PTK7: variants seen among roughly 807,000 people sequenced by gnomAD.
PTK7 encodes protein tyrosine kinase 7 (inactive).
A neutral mutation model predicts 116.6 loss-of-function variants in PTK7; 39 were observed. The observed-to-expected ratio is 0.33, with a 90% CI of 0.26 to 0.44. The LOEUF is 0.44. PTK7 is among the 20% of genes least tolerant of loss of function. The pLI is 1.00. For synonymous variants in PTK7, 546 were observed against 563.6 expected (o/e 0.97, Z 0.44); for missense variants, 1,169 against 1,425.6 (o/e 0.82, Z 2.90).
At chr6:43,098,914 A>T (rs988121534) in intron 1 of PTK7, among the ~76,000 whole-genome samples, 1 of 152,212 alleles carries the variant, frequency 6.6e-6, no homozygotes, top group African/African-American at 2.4e-5. Flanking sequence ...TACATAATAC[A>T]AACCTAAAAT....
Position 43,157,356 on chromosome 6 carries a change from ATATATATATTTTTTTTTTTCT to A in PTK7, c.2722-1459_2722-1439del, listed in dbSNP as rs1366660379. Among the ~76,000 whole-genome samples, 25 of 3,198 alleles carry A rather than the reference ATATATATATTTTTTTTTTTCT, an allele frequency of 7.8e-3. 1 individual carries two copies. Among genetic ancestry groups the A allele is most frequent in the African/African-American group, 0.019 (24 of 1,234 alleles). 2.1% of individuals were successfully genotyped at this position (3,198 alleles called of 152,430 possible). ...TATATATATATATATATATATATAT[ATATATATATTTTTTTTTTTCT>A]TTTTTTTTTTTTTTTTTTAATAGAG... On this transcript the variant is annotated intron_variant, in intron 17 of 19. Coordinates refer to ENST00000230419, the MANE Select transcript of PTK7 (RefSeq NM_002821.5).
chr6:43,121,081 A>G (rs1279057597), intron 1 of PTK7, among the ~76,000 whole-genome samples: 3 of 111,170 alleles, frequency 2.7e-5, no homozygotes, highest in Admixed American at 1.1e-4. Context: ...TTTTTTGACT[A>G]TGTTGCTCAG....
intron 1 of PTK7, among the ~76,000 whole-genome samples, chr6:43,085,394 G>A (rs1410876661): frequency 6.6e-6 from 1 of 152,018 alleles, no homozygotes; most frequent in Non-Finnish European, 1.5e-5. Context: ...GATTATAGGT[G>A]CCCGCCACCA....
At chr6:43,085,662 G>A (rs1274039723) in intron 1 of PTK7, among the ~76,000 whole-genome samples, 1 of 151,776 alleles carries the variant, frequency 6.6e-6, no homozygotes, top group South Asian at 2.1e-4. Flanking sequence ...GGCTGGGTGC[G>A]GTGGCTCACG....
chr6:43,157,362 ATATTTTTTTTTTTCTTTT>A (rs1771543762), intron 17 of PTK7, among the ~76,000 whole-genome samples: 3 of 34,238 alleles, frequency 8.8e-5, no homozygotes, highest in African/African-American at 4.1e-4. Flanking sequence ...ATATATATAT[ATATTTTTTTTTTTCTTTT>A]TTTTTTTTTT....
Position 43,076,584 on chromosome 6 carries a change from T to TG in PTK7, c.79+22dup. On this transcript the variant is annotated intron_variant, in intron 1 of 19. Coordinates refer to ENST00000230419, the MANE Select transcript of PTK7 (RefSeq NM_002821.5). The surrounding 1 kb of genome is among the most constrained non-coding windows in gnomAD (Gnocchi z 5.7). ...TGCTGGGCGGTGAGTACCCGAGAGT[T>TG]GGGGGCACAGAGCTTGGGAAGCGCG... 1 of 1,571,708 alleles carries TG rather than the reference T, an allele frequency of 6.4e-7. No individual in the cohort carries two copies. Among genetic ancestry groups the TG allele is most frequent in the Non-Finnish European group, 8.6e-7 (1 of 1,164,302 alleles).
At chr6:43,149,797 C>T (rs142965380) in intron 17 of PTK7, among the ~76,000 whole-genome samples, 1 of 152,276 alleles carries the variant, frequency 6.6e-6, no homozygotes, top group African/African-American at 2.4e-5. Context: ...GTTTTCTATC[C>T]TGTCCTCTTT....
intron 1 of PTK7, among the ~76,000 whole-genome samples, chr6:43,122,855 C>T (rs967105889): frequency 3.9e-5 from 6 of 152,050 alleles, no homozygotes; most frequent in Non-Finnish European, 5.9e-5. Context: ...GGTCTACCTG[C>T]CTTGGACTCC....
chr6:43,118,663 A>G (rs59477217), intron 1 of PTK7, among the ~76,000 whole-genome samples: 2 of 48,776 alleles, frequency 4.1e-5, no homozygotes, highest in East Asian at 1.2e-3. Flanking sequence ...CTCTCTCTAT[A>G]TATATATATA....
rs1324295111 is a variant in PTK7 at position 43,139,541 on chromosome 6, G to T, written c.1618+16G>T. On this transcript the variant is annotated intron_variant, in intron 10 of 19. Coordinates refer to ENST00000230419, the MANE Select transcript of PTK7 (RefSeq NM_002821.5). The surrounding 1 kb of genome is among the most constrained non-coding windows in gnomAD (Gnocchi z 4.6). ...GAACGGGCAGGTGGGTACAGTGCCGGCATAGGGTAGGGGCAGGCAGGCAGT... is the reference window on the plus strand; with the variant it reads ...GAACGGGCAGGTGGGTACAGTGCCGTCATAGGGTAGGGGCAGGCAGGCAGT... 2 of 1,613,602 alleles carry T rather than the reference G, an allele frequency of 1.2e-6. No individual in the cohort carries two copies. Among genetic ancestry groups the T allele is most frequent in the Non-Finnish European group, 1.7e-6 (2 of 1,179,948 alleles).
At chr6:43,099,546 T>C (rs1021433925) in intron 1 of PTK7, among the ~76,000 whole-genome samples, 1 of 152,052 alleles carries the variant, frequency 6.6e-6, no homozygotes. Flanking sequence ...GAGTACATTC[T>C]AGGTACCCAG....
chr6:43,144,156 T>G, intron 14 of PTK7: 1 of 380,450 alleles, frequency 2.6e-6, no homozygotes, highest in Non-Finnish European at 4.8e-6. Context: ...GCAAAAATCC[T>G]TATGTGTAGC....
At chr6:43,079,077 C>G (rs1766219064) in intron 1 of PTK7, among the ~76,000 whole-genome samples, 1 of 152,110 alleles carries the variant, frequency 6.6e-6, no homozygotes, top group African/African-American at 2.4e-5. Context: ...TTCAGAGCAG[C>G]ATTGAGTGGT....
chr6:43,149,132 G>A (rs1770918778), intron 17 of PTK7, among the ~76,000 whole-genome samples: 1 of 151,226 alleles, frequency 6.6e-6, no homozygotes, highest in African/African-American at 2.4e-5. Context: ...AGCACTTCGG[G>A]AGGCTGAGGC....
chr6:43,118,659 CTATATA>C (rs58935341), intron 1 of PTK7, among the ~76,000 whole-genome samples: 2,427 of 52,592 alleles, frequency 0.046, 59 homozygotes, highest in African/African-American at 0.061. Context: ...CTCTCTCTCT[CTATATA>C]TATATATATA....
intron 1 of PTK7, among the ~76,000 whole-genome samples, chr6:43,125,781 A>G (rs1248726753): frequency 6.6e-6 from 1 of 152,230 alleles, no homozygotes; most frequent in African/African-American, 2.4e-5. Context: ...TGAGAGAGGC[A>G]GAGGAAGCTG....
chr6:43,148,779 G>A (rs568510750), intron 17 of PTK7, among the ~76,000 whole-genome samples: 3 of 150,406 alleles, frequency 2.0e-5, no homozygotes, highest in Admixed American at 1.3e-4. Context: ...AAAAAAAACA[G>A]GCAGGGCTCA....
Position 43,145,085 on chromosome 6 carries a change from G to C in PTK7, c.2408-115G>C, listed in dbSNP as rs770201921. On this transcript the variant is annotated intron_variant, in intron 15 of 19. Coordinates refer to ENST00000230419, the MANE Select transcript of PTK7 (RefSeq NM_002821.5). The surrounding 1 kb of genome is among the most constrained non-coding windows in gnomAD (Gnocchi z 4.8). ...GGGGGTCACAGCAGAACCGGGTCTC[G>C]TGCCCAGCCCAGGTGGGTGGGTCCC... is the stretch of plus-strand genomic sequence containing the variant. 2 of 879,916 alleles carry C rather than the reference G, an allele frequency of 2.3e-6. No individual in the cohort carries two copies. Among genetic ancestry groups the C allele is most frequent in the South Asian group, 2.1e-5 (1 of 48,638 alleles). 54.5% of individuals were successfully genotyped at this position (879,916 alleles called of 1,614,324 possible).
At chr6:43,132,325 T>C in intron 6 of PTK7, 96 bp from the exon 7 acceptor site, 3 of 1,503,818 alleles carry the variant, frequency 2.0e-6, no homozygotes, top group African/African-American at 1.4e-5. Flanking sequence ...AGGGGAGGGT[T>C]TGTGCTGGGA....
Sources: allele counts gnomAD v4.1 joint callset (sites outside exome capture counted in the v4.1 genomes callset), GRCh38; gene constraint gnomAD v4.1.1; non-coding constraint Gnocchi (gnomAD v3.1); transcripts MANE v1.5; gene names NCBI Gene and HGNC (gene_info 2026-07-23, HGNC 2026-07-21).